Variants in HCN1 observed in about 807,000 individuals in gnomAD.
HCN1 encodes the protein hyperpolarization activated cyclic nucleotide gated potassium channel 1.
A neutral mutation model predicts 78.9 loss-of-function variants in HCN1; 13 were observed. The ratio of observed to expected loss-of-function variants is 0.16; its 90% CI spans 0.11 to 0.26. HCN1 has a LOEUF of 0.26. Among genes scored for constraint, HCN1 ranks in the 10% least tolerant of loss-of-function variants. The pLI is 1.00. For synonymous variants in HCN1, 552 were observed against 455.5 expected, an observed-to-expected ratio of 1.21 and a Z score of -2.70; for missense variants, 810 against 1,154.3, an observed-to-expected ratio of 0.70 and a Z score of 4.32.
At chr5:45,347,429 A>G (rs1253598183) in intron 5 of HCN1, among the ~76,000 whole-genome samples, 2 of 152,176 alleles carry the variant, frequency 1.3e-5, no homozygotes, top group Non-Finnish European at 2.9e-5. Context: ...AAACAGCAGA[A>G]AAACTGGAAA....
At chr5:45,653,063 A>T (rs1233568962) in intron 1 of HCN1, among the ~76,000 whole-genome samples, 1 of 152,006 alleles carries the variant, frequency 6.6e-6, no homozygotes, top group Non-Finnish European at 1.5e-5. Flanking sequence ...CCTCTTAAGT[A>T]TGTCCCAATT....
At chr5:45,342,666 C>T (rs932185637) in intron 5 of HCN1, among the ~76,000 whole-genome samples, 1 of 152,012 alleles carries the variant, frequency 6.6e-6, no homozygotes, top group Non-Finnish European at 1.5e-5. Flanking sequence ...AGATATTTAG[C>T]CTCATATTTT....
intron 6 of HCN1, among the ~76,000 whole-genome samples, chr5:45,287,707 G>GAC (rs1236522975): frequency 3.9e-5 from 6 of 151,920 alleles, no homozygotes; most frequent in East Asian, 1.9e-4. Context: ...CCCACCATCA[G>GAC]ACACACACAC....
At chr5:45,428,754 A>C (rs552351636) in intron 3 of HCN1, among the ~76,000 whole-genome samples, 1 of 152,118 alleles carries the variant, frequency 6.6e-6, no homozygotes, top group Non-Finnish European at 1.5e-5. Flanking sequence ...AAAAGATAGA[A>C]AGGCTGGAAT....
At chr5:45,658,120 A>G (rs567525758) in intron 1 of HCN1, among the ~76,000 whole-genome samples, 2 of 152,356 alleles carry the variant, frequency 1.3e-5, no homozygotes, top group East Asian at 1.9e-4. Flanking sequence ...CAAACCTGAG[A>G]AAAACAAGCA....
intron 2 of HCN1, among the ~76,000 whole-genome samples, chr5:45,579,867 CT>C (rs1217745791): frequency 6.6e-6 from 1 of 152,034 alleles, no homozygotes; most frequent in African/African-American, 2.4e-5. Context: ...GAGAATTTCT[CT>C]TCCTGGTAAA....
At chr5:45,353,013 A>G in intron 5 of HCN1, 87 bp downstream of exon 5, 1 of 1,147,096 alleles carries the variant, frequency 8.7e-7, no homozygotes, top group Non-Finnish European at 1.3e-6. Context: ...GTTTTTCTTT[A>G]GAGTAACGTG....
intron 2 of HCN1, among the ~76,000 whole-genome samples, chr5:45,524,861 T>C (rs1361365992): frequency 3.9e-5 from 6 of 152,140 alleles, no homozygotes; most frequent in East Asian, 1.9e-4. Context: ...CCTTCTCCTG[T>C]CCAATTGCCC....
chr5:45,390,046 C>T (rs1358454147), intron 4 of HCN1, among the ~76,000 whole-genome samples: 1 of 152,142 alleles, frequency 6.6e-6, no homozygotes, highest in Admixed American at 6.6e-5. Context: ...CAATATGTCT[C>T]ATACATCTCT....
chr5:45,584,493 T>C (rs1744159783), intron 2 of HCN1, among the ~76,000 whole-genome samples: 1 of 151,812 alleles, frequency 6.6e-6, no homozygotes, highest in Admixed American at 6.6e-5. Flanking sequence ...AATTTGCCAG[T>C]CTGTGTCTTT....
intron 2 of HCN1, among the ~76,000 whole-genome samples, chr5:45,490,940 G>T (rs1029530831): frequency 6.6e-6 from 1 of 151,834 alleles, no homozygotes; most frequent in Non-Finnish European, 1.5e-5. Flanking sequence ...TTCCAGGCAG[G>T]AGCATGTTCA....
chr5:45,372,494 T>G (rs1260879483), intron 4 of HCN1, among the ~76,000 whole-genome samples: 4 of 126,446 alleles, frequency 3.2e-5, no homozygotes, highest in African/African-American at 1.2e-4. Flanking sequence ...CATTTACATA[T>G]AAAAATATAT....
chr5:45,531,059 C>A (rs532841173), intron 2 of HCN1, among the ~76,000 whole-genome samples: 9 of 142,578 alleles, frequency 6.3e-5, no homozygotes, highest in Admixed American at 3.5e-4. Context: ...AACACACATA[C>A]ACACACACAC....
At chr5:45,660,593 A>G (rs1745910836) in intron 1 of HCN1, among the ~76,000 whole-genome samples, 1 of 152,172 alleles carries the variant, frequency 6.6e-6, no homozygotes, top group Non-Finnish European at 1.5e-5. Context: ...GGCTCAAAAT[A>G]AAAGCATGGA....
intron 6 of HCN1, among the ~76,000 whole-genome samples, chr5:45,282,943 G>A (rs1224050224): frequency 6.6e-6 from 1 of 152,064 alleles, no homozygotes; most frequent in African/African-American, 2.4e-5. Flanking sequence ...CACTTAATGT[G>A]TAATCTTTTA....
intron 5 of HCN1, among the ~76,000 whole-genome samples, chr5:45,307,515 T>C (rs908758366): frequency 6.6e-6 from 1 of 152,138 alleles, no homozygotes; most frequent in African/African-American, 2.4e-5. Context: ...TTTGATGTAA[T>C]CAGAAGAGCA....
intron 5 of HCN1, among the ~76,000 whole-genome samples, chr5:45,344,895 C>G (rs1193402171): frequency 6.6e-6 from 1 of 152,144 alleles, no homozygotes; most frequent in Admixed American, 6.5e-5. Flanking sequence ...TCTCACAGCT[C>G]CACTAGGCAG....
chr5:45,321,847 T>C (rs1746133283), intron 5 of HCN1, among the ~76,000 whole-genome samples: 1 of 151,914 alleles, frequency 6.6e-6, no homozygotes, highest in Non-Finnish European at 1.5e-5. Flanking sequence ...GATAACTGCT[T>C]TAATGATGGT....
chr5:45,276,181 C>T (rs1745053270), intron 6 of HCN1, among the ~76,000 whole-genome samples: 1 of 152,078 alleles, frequency 6.6e-6, no homozygotes, highest in Non-Finnish European at 1.5e-5. Context: ...TTATTTGTCT[C>T]CAAAATATTT....
Sources: gnomAD v4.1 joint callset for allele counts (sites outside exome capture counted in the v4.1 genomes callset) on GRCh38, gnomAD v4.1.1 for gene constraint, MANE v1.5 for transcripts, NCBI Gene and HGNC (gene_info 2026-07-23, HGNC 2026-07-21) for gene names.